HPRT1: variants seen among roughly 807,000 people sequenced by gnomAD.
The protein encoded by HPRT1 is hypoxanthine phosphoribosyltransferase 1, also known as hypoxanthine-guanine phosphoribosyltransferase.
A neutral mutation model predicts 19.0 loss-of-function variants in HPRT1; 4 were observed. The ratio of observed to expected loss-of-function variants is 0.21; its 90% confidence interval spans 0.10 to 0.48. The LOEUF (loss-of-function observed/expected upper bound fraction) is 0.48. Among genes scored for constraint, HPRT1 ranks in the 20% least tolerant of loss-of-function variants. HPRT1 has a pLI of 0.98. For synonymous variants in HPRT1, 53 were observed against 54.9 expected (o/e 0.97, Z 0.15); for missense variants, 65 against 164.0 (o/e 0.40, Z 3.30).
intron 4 of HPRT1, among the ~76,000 whole-genome samples, chrX:134,487,901 G>C (rs997426663): frequency 3.6e-5 from 4 of 111,358 alleles, no homozygotes; most frequent in African/African-American, 1.3e-4. Context: ...TGCTGGAATG[G>C]ACCTAGCCTT....
At chrX:134,486,582 G>C in intron 4 of HPRT1, 52 bp downstream of exon 4, 1 of 698,399 alleles carries the variant, frequency 1.4e-6, no homozygotes, top group Non-Finnish European at 2.3e-6. Flanking sequence ...GAGTCAATTA[G>C]TAACAGTGTG....
rs575446030 is a variant in HPRT1 at position 134,498,781 on chromosome X, A to G, written c.609+97A>G. On this transcript the variant is annotated intron_variant, in intron 8 of 8. Coordinates refer to ENST00000298556, the MANE Select transcript of HPRT1 (RefSeq NM_000194.3). ...CTCCTTCCAGCACCTCATAATTTGA[A>G]CAGACTGATGGTTCCCATTAGTCAC... 1.5e-5 allele frequency: 9 copies of G among 597,000 alleles called. No individual in the cohort carries two copies. The African/African-American group carries it at 1.8e-4, about 12-fold the overall frequency. The allele number at this position is 597,000 out of a possible 1,213,427, so 49.2% of individuals were successfully genotyped here.
intron 1 of HPRT1, among the ~76,000 whole-genome samples, chrX:134,464,595 T>C (rs2077592180): frequency 8.9e-6 from 1 of 111,980 alleles, no homozygotes; most frequent in African/African-American, 3.2e-5. Context: ...TTTGTTTTTT[T>C]TGAGATGGAG....
chrX:134,484,430 G>T (rs1269071591), intron 3 of HPRT1, among the ~76,000 whole-genome samples: 2 of 111,855 alleles, frequency 1.8e-5, no homozygotes, highest in African/African-American at 6.5e-5. Flanking sequence ...AATATGCAAA[G>T]GTTGATATCA....
At chrX:134,471,652 T>C (rs1361459724) in intron 1 of HPRT1, among the ~76,000 whole-genome samples, 1 of 111,523 alleles carries the variant, frequency 9.0e-6, no homozygotes, top group Non-Finnish European at 1.9e-5. Context: ...TTTTTCTTTT[T>C]TATTTTGAGG....
chrX:134,482,970 G>A (rs2077643922), intron 3 of HPRT1, among the ~76,000 whole-genome samples: 1 of 110,114 alleles, frequency 9.1e-6, no homozygotes, highest in Admixed American at 9.7e-5. Context: ...GTGATTGAGT[G>A]TGGTAGACTT....
At chrX:134,486,586 CAG>C (rs2077653657) in intron 4 of HPRT1, 56 bp downstream of exon 4, 1 of 692,604 alleles carries the variant, frequency 1.4e-6, no homozygotes, top group East Asian at 3.3e-5. Flanking sequence ...CAATTAGTAA[CAG>C]TGTGCTTTCA....
intron 3 of HPRT1, among the ~76,000 whole-genome samples, chrX:134,476,889 C>T (rs1301638289): frequency 1.8e-5 from 2 of 110,336 alleles, no homozygotes; most frequent in Admixed American, 9.8e-5. Context: ...AACTCCTCAA[C>T]TGATAAAAAG....
chrX:134,496,186 T>C (rs112456541), intron 6 of HPRT1, among the ~76,000 whole-genome samples: 13 of 112,052 alleles, frequency 1.2e-4, no homozygotes, highest in Non-Finnish European at 5.6e-5. Flanking sequence ...ATGTACTGTT[T>C]TACACCAGTA....
At chrX:134,470,903 A>T (rs968968896) in intron 1 of HPRT1, among the ~76,000 whole-genome samples, 9 of 101,514 alleles carry the variant, frequency 8.9e-5, no homozygotes, top group African/African-American at 3.1e-4. Context: ...CTTCGTCTCT[A>T]AAAAAAAAAA....
rs750973966 is a variant in HPRT1 at position 134,483,452 on chromosome X, G to C, written c.319-3013G>C. ...ATAAAGACATTAAGGGTATGTGTTT[G>C]TAGTCCCAAAGAGCTTCTCTGGCAA... On this transcript the variant is annotated intron_variant, in intron 3 of 8. Coordinates refer to ENST00000298556, the MANE Select transcript of HPRT1 (RefSeq NM_000194.3). Among the ~76,000 whole-genome samples, 43 of 111,710 alleles carry C rather than the reference G, an allele frequency of 3.8e-4. 1 individual carries two copies. The highest frequency in any genetic ancestry group is 1.4e-3 in the African/African-American group (42 of 30,811).
At chrX:134,478,376 G>A (rs1026166585) in intron 3 of HPRT1, among the ~76,000 whole-genome samples, 1 of 111,473 alleles carries the variant, frequency 9.0e-6, no homozygotes, top group East Asian at 2.8e-4. Context: ...CAGTGCTTTG[G>A]GAGATCGAGG....
chrX:134,477,059 A>AT (rs1484409893), intron 3 of HPRT1, among the ~76,000 whole-genome samples: 22 of 82,491 alleles, frequency 2.7e-4, no homozygotes, highest in African/African-American at 9.8e-4. Context: ...ATTTTATTTT[A>AT]TTTATTTATT....
chrX:134,481,224 A>G (rs1286733757), intron 3 of HPRT1, among the ~76,000 whole-genome samples: 1 of 110,791 alleles, frequency 9.0e-6, no homozygotes. Context: ...TTCATCCTAC[A>G]TATCTGCTAC....
intron 2 of HPRT1, among the ~76,000 whole-genome samples, 188 bp downstream of exon 2, chrX:134,473,653 G>T (rs987346132): frequency 5.4e-5 from 6 of 111,907 alleles, no homozygotes; most frequent in African/African-American, 1.9e-4. Flanking sequence ...ATCAGTTGTG[G>T]TATAGTGGGA....
intron 6 of HPRT1, among the ~76,000 whole-genome samples, chrX:134,497,029 G>A (rs1301911964): frequency 8.9e-6 from 1 of 112,033 alleles, no homozygotes; most frequent in Admixed American, 9.5e-5. Context: ...TTTTTCAACA[G>A]GCAGCATTTG....
intron 6 of HPRT1, among the ~76,000 whole-genome samples, chrX:134,497,780 A>G (rs2077685408): frequency 9.1e-6 from 1 of 109,585 alleles, no homozygotes; most frequent in African/African-American, 3.3e-5. Context: ...CCCCATCTCT[A>G]CTAAATACAA....
At position 134,498,374 on chromosome X, in the gene HPRT1, A is replaced by AT; in HGVS notation, c.486-12dup. 5.1e-6 allele frequency: 6 copies of AT among 1,184,063 alleles called. No individual in the cohort carries two copies. Among genetic ancestry groups the AT allele is most frequent in the Non-Finnish European group, 4.6e-6 (4 of 869,992 alleles). On this transcript the variant is annotated splice_polypyrimidine_tract_variant and intron_variant, in intron 6 of 8. Coordinates refer to ENST00000298556, the MANE Select transcript of HPRT1 (RefSeq NM_000194.3). ...AGTCTCTCTGTATGTTATATGTCAC[A>AT]TTTTGTAATTAACAGCTTGCTGGTG...
intron 1 of HPRT1, among the ~76,000 whole-genome samples, chrX:134,464,197 A>T (rs955941630): frequency 3.6e-5 from 4 of 112,480 alleles, no homozygotes; most frequent in Non-Finnish European, 5.6e-5. Flanking sequence ...AATTCTTCTA[A>T]CAGCTTTATC....
Sources: allele counts gnomAD v4.1 joint callset (sites outside exome capture counted in the v4.1 genomes callset), GRCh38; gene constraint gnomAD v4.1.1; transcripts MANE v1.5; gene names NCBI Gene and HGNC (gene_info 2026-07-23, HGNC 2026-07-21).